HDAC9: variants seen among roughly 807,000 people sequenced by gnomAD.
HDAC9 encodes MEF-2 interacting transcription repressor (MITR) protein.
A neutral mutation model predicts 139.4 loss-of-function variants in HDAC9; 41 were observed. That is an observed-to-expected ratio of 0.29 (90% CI 0.23 to 0.38). The LOEUF (loss-of-function observed/expected upper bound fraction) is 0.38. HDAC9 is among the 10% of genes least tolerant of loss of function. HDAC9 has a pLI of 1.00. For missense variants in HDAC9, 1,147 were observed against 1,297.0 expected (o/e 0.88, Z 1.78); for synonymous variants, 517 against 476.2 (o/e 1.09, Z -1.12).
At chr7:18,308,932 G>C (rs1203592400) in intron 1 of HDAC9, among the ~76,000 whole-genome samples, 1 of 152,146 alleles carries the variant, frequency 6.6e-6, no homozygotes, top group Non-Finnish European at 1.5e-5. Flanking sequence ...TGTAGAAACA[G>C]GTCCAGAAAC....
chr7:18,618,520 G>A (rs1211608307), intron 6 of HDAC9, among the ~76,000 whole-genome samples: 1 of 151,818 alleles, frequency 6.6e-6, no homozygotes, highest in East Asian at 1.9e-4. Flanking sequence ...GTCTCCATGT[G>A]TGTCCCTATC....
intron 2 of HDAC9, among the ~76,000 whole-genome samples, chr7:18,163,577 C>T (rs1424782640): frequency 6.6e-6 from 1 of 152,172 alleles, no homozygotes; most frequent in African/African-American, 2.4e-5. Context: ...CTTTGGGAAT[C>T]ACTGGTTTAG....
intron 1 of HDAC9, among the ~76,000 whole-genome samples, chr7:18,427,468 A>C (rs1562975554): frequency 6.6e-6 from 1 of 151,422 alleles, no homozygotes; most frequent in East Asian, 1.9e-4. Context: ...TTTGACTTCC[A>C]TATGTCTAAA....
chr7:18,686,656 G>T, intron 12 of HDAC9, among the ~76,000 whole-genome samples: 1 of 151,836 alleles, frequency 6.6e-6, no homozygotes, highest in East Asian at 1.9e-4. Flanking sequence ...ATATAGCCTG[G>T]CATAAATTCT....
chr7:18,793,724 G>T (rs1792535541), intron 17 of HDAC9, among the ~76,000 whole-genome samples: 1 of 152,088 alleles, frequency 6.6e-6, no homozygotes, highest in Non-Finnish European at 1.5e-5. Context: ...CAAAGCTATG[G>T]TTCAGGTAAA....
At chr7:18,601,782 C>T (rs913752792) in intron 6 of HDAC9, among the ~76,000 whole-genome samples, 7 of 152,186 alleles carry the variant, frequency 4.6e-5, no homozygotes, top group African/African-American at 1.7e-4. Flanking sequence ...AGCCAATTTT[C>T]AAATAGTGAA....
At chr7:18,545,867 T>C (rs769294303) in intron 2 of HDAC9, among the ~76,000 whole-genome samples, 1 of 152,320 alleles carries the variant, frequency 6.6e-6, no homozygotes, top group East Asian at 1.9e-4. Context: ...TCCCTACTTA[T>C]ATAGGATAAA....
At chr7:18,553,963 G>A (rs111748125) in intron 2 of HDAC9, among the ~76,000 whole-genome samples, 4 of 152,266 alleles carry the variant, frequency 2.6e-5, no homozygotes, top group African/African-American at 7.2e-5. Flanking sequence ...GACACTATTG[G>A]CATTTTAGGT....
intron 1 of HDAC9, among the ~76,000 whole-genome samples, chr7:18,352,611 C>T (rs547237337): frequency 1.1e-4 from 17 of 152,082 alleles, no homozygotes; most frequent in African/African-American, 4.1e-4. Flanking sequence ...AGTCATTCCC[C>T]GTTTTAAATA....
At chr7:18,092,411 TTAA>T (rs1235628608) in intron 1 of HDAC9, among the ~76,000 whole-genome samples, 1 of 149,158 alleles carries the variant, frequency 6.7e-6, no homozygotes, top group Non-Finnish European at 1.5e-5. Flanking sequence ...TTTTTTTTTT[TTAA>T]AAAAAAGAAC....
chr7:18,165,630 T>A (rs900042587), intron 2 of HDAC9, among the ~76,000 whole-genome samples: 2 of 151,710 alleles, frequency 1.3e-5, no homozygotes, highest in Non-Finnish European at 1.5e-5. Flanking sequence ...CTACAAAAAA[T>A]TTTTTAAAAA....
chr7:18,553,470 GCTGCAGACTT>G (rs1817768054), intron 2 of HDAC9, among the ~76,000 whole-genome samples: 2 of 152,136 alleles, frequency 1.3e-5, no homozygotes, highest in Admixed American at 1.3e-4. Flanking sequence ...GGCAATACGT[GCTGCAGACTT>G]CAAAAAGTCT....
intron 24 of HDAC9, among the ~76,000 whole-genome samples, chr7:18,972,752 C>G (rs1784326795): frequency 6.6e-6 from 1 of 152,056 alleles, no homozygotes; most frequent in Non-Finnish European, 1.5e-5. Flanking sequence ...AATAATTTAC[C>G]TGGTAAAAGG....
At chr7:18,271,183 G>T (rs1796328108) in intron 2 of HDAC9, among the ~76,000 whole-genome samples, 1 of 152,144 alleles carries the variant, frequency 6.6e-6, no homozygotes, top group African/African-American at 2.4e-5. Flanking sequence ...TGTAATTGGG[G>T]AAGAAAACAT....
intron 12 of HDAC9, among the ~76,000 whole-genome samples, chr7:18,689,627 T>G (rs184660241): frequency 1.2e-4 from 18 of 152,142 alleles, no homozygotes; most frequent in African/African-American, 4.3e-4. Flanking sequence ...CAATGTTGTT[T>G]CTAACTGGTT....
At chr7:18,661,311 G>C (rs1584731108) in intron 11 of HDAC9, among the ~76,000 whole-genome samples, 1 of 152,134 alleles carries the variant, frequency 6.6e-6, no homozygotes, top group African/African-American at 2.4e-5. Context: ...AATTGGGTTA[G>C]ATGGGAATAA....
intron 1 of HDAC9, among the ~76,000 whole-genome samples, chr7:18,335,885 G>A (rs1170895570): frequency 6.6e-6 from 1 of 151,574 alleles, no homozygotes; most frequent in Non-Finnish European, 1.5e-5. Flanking sequence ...ATAATGGCAA[G>A]TGTAAGACAT....
intron 12 of HDAC9, among the ~76,000 whole-genome samples, chr7:18,727,169 T>A (rs1293502059): frequency 6.6e-6 from 1 of 152,242 alleles, no homozygotes; most frequent in Non-Finnish European, 1.5e-5. Flanking sequence ...TTTTCAGAAT[T>A]AGGCCTCACT....
At chr7:18,405,113 A>G (rs563073127) in intron 1 of HDAC9, among the ~76,000 whole-genome samples, 1 of 152,352 alleles carries the variant, frequency 6.6e-6, no homozygotes, top group South Asian at 2.1e-4. Flanking sequence ...CGCAAACTCC[A>G]TATAGATAGT....
Sources: gnomAD v4.1 joint callset for allele counts (sites outside exome capture counted in the v4.1 genomes callset) on GRCh38, gnomAD v4.1.1 for gene constraint, MANE v1.5 for transcripts, NCBI Gene and HGNC (gene_info 2026-07-23, HGNC 2026-07-21) for gene names.